The following KCND3 variants were observed in gnomAD, a reference collection of about 807,000 sequenced individuals.
The protein encoded by KCND3 is potassium voltage-gated channel subfamily D member 3.
A neutral mutation model predicts 51.1 loss-of-function variants in KCND3; 9 were observed. The ratio of observed to expected loss-of-function variants is 0.18; its 90% CI spans 0.11 to 0.31. The LOEUF is 0.31. KCND3 is among the 10% of genes least tolerant of loss of function. The probability of loss-of-function intolerance (pLI) is 1.00; values close to 1 mark genes in which losing one functional copy is unlikely to be tolerated. For synonymous variants in KCND3, 349 were observed against 368.0 expected (o/e 0.95, Z 0.59); for missense variants, 526 against 903.8 (o/e 0.58, Z 5.36).
intron 2 of KCND3, among the ~76,000 whole-genome samples, chr1:111,838,676 C>T (rs1004727020): frequency 3.3e-5 from 5 of 150,926 alleles, no homozygotes; most frequent in Non-Finnish European, 7.4e-5. Context: ...AAAACAAAAG[C>T]AAAAACAACA....
intron 2 of KCND3, among the ~76,000 whole-genome samples, chr1:111,795,303 TA>T (rs1328807396): frequency 6.6e-6 from 1 of 152,196 alleles, no homozygotes; most frequent in East Asian, 1.9e-4. Context: ...GGATGGCTTT[TA>T]GGAATCTTGA....
chr1:111,935,506 T>A (rs1672178653), intron 2 of KCND3, among the ~76,000 whole-genome samples: 1 of 152,184 alleles, frequency 6.6e-6, no homozygotes, highest in Admixed American at 6.5e-5. Context: ...ATGTCCTTTT[T>A]CCCCTGGGAG....
chr1:111,849,065 C>T (rs939324729), intron 2 of KCND3, among the ~76,000 whole-genome samples: 5 of 152,186 alleles, frequency 3.3e-5, no homozygotes, highest in East Asian at 1.9e-4. Flanking sequence ...GAGGCACAGG[C>T]GTGGGAGGTT....
chr1:111,898,485 C>T (rs1670229500), intron 2 of KCND3, among the ~76,000 whole-genome samples: 1 of 152,180 alleles, frequency 6.6e-6, no homozygotes, highest in African/African-American at 2.4e-5. Flanking sequence ...GTGGCCATCT[C>T]CCTGGGGAGA....
rs1674987322 is a variant in KCND3, at chr1:111,982,193, G to A, written c.534C>T (p.Thr178=). The A allele has an allele frequency of 1.2e-6, 2 of 1,613,978 alleles. No homozygotes were observed. The highest frequency in any genetic ancestry group is 1.7e-6 in the Non-Finnish European group (2 of 1,180,028). The change falls in exon 2 of 8, where the codon ACC becomes ACT. Residue 178 remains threonine (T), a synonymous_variant. Transcript: ENST00000302127. The surrounding 1 kb of genome is among the most constrained non-coding windows in gnomAD (Gnocchi z 8.5). The stretch of plus-strand genomic sequence containing the variant: ...AGTAGAAGACCAGGGCCAGCGTGCT[G>A]GTGTGGGGGTTCTCGAAGGCCCGCC... ...TMWRAFENPH[T]STLALVFYYV... is the part of the protein sequence containing the mutation.
intron 2 of KCND3, among the ~76,000 whole-genome samples, chr1:111,845,169 GT>G (rs1667489660): frequency 6.6e-6 from 1 of 152,188 alleles, no homozygotes; most frequent in Non-Finnish European, 1.5e-5. Context: ...GAAGAGCAAA[GT>G]TTTTGGCAGC....
intron 2 of KCND3, among the ~76,000 whole-genome samples, chr1:111,951,468 G>A (rs954318009): frequency 6.6e-6 from 1 of 152,148 alleles, no homozygotes; most frequent in Non-Finnish European, 1.5e-5. Context: ...GTAGATATAT[G>A]TATGAGAGGG....
In KCND3 at chr1:111,806,294, T is replaced by G. The variant is rs563843195; in HGVS notation, c.1107-19188A>C. On this transcript the variant is annotated intron_variant, in intron 2 of 7. Coordinates refer to ENST00000302127, the MANE Select transcript of KCND3 (RefSeq NM_001378969.1). The stretch of plus-strand genomic sequence containing the variant: ...GACACTCCTGTTGATGCGGAAGCCC[T>G]GCTTATCGTGGACATGCTCGTGGCC... 1.1e-4 allele frequency among the ~76,000 whole-genome samples: 17 copies of G among 152,364 alleles called. No individual in the cohort carries two copies. The East Asian group carries it at 1.3e-3, about 12-fold the overall frequency.
At chr1:111,970,161 C>A (rs753485990) in intron 2 of KCND3, among the ~76,000 whole-genome samples, 1 of 152,122 alleles carries the variant, frequency 6.6e-6, no homozygotes, top group South Asian at 2.1e-4. Flanking sequence ...GGATTACAGG[C>A]GCCTGTCACC....
intron 2 of KCND3, among the ~76,000 whole-genome samples, chr1:111,819,646 G>A (rs765316): frequency 0.023 from 3,486 of 152,248 alleles, 68 homozygotes; most frequent in Non-Finnish European, 0.034. Flanking sequence ...TGGGACAGAG[G>A]TTTGAGCAGA....
chr1:111,969,336 T>C (rs1674197301), intron 2 of KCND3, among the ~76,000 whole-genome samples: 1 of 152,212 alleles, frequency 6.6e-6, no homozygotes, highest in African/African-American at 2.4e-5. Context: ...TGGGGGCACA[T>C]GTATTTTCCT....
chr1:111,804,415 A>G (rs987179550), intron 2 of KCND3, among the ~76,000 whole-genome samples: 1 of 151,892 alleles, frequency 6.6e-6, no homozygotes, highest in Admixed American at 6.6e-5. Context: ...TTTGCTCTGA[A>G]CCCTCCCTTT....
intron 2 of KCND3, among the ~76,000 whole-genome samples, chr1:111,914,378 A>G (rs1671100826): frequency 6.6e-6 from 1 of 152,130 alleles, no homozygotes; most frequent in African/African-American, 2.4e-5. Flanking sequence ...CAGAAGAAAT[A>G]TTTTAAAGAG....
chr1:111,808,945 C>T (rs965245889), intron 2 of KCND3, among the ~76,000 whole-genome samples: 1 of 152,214 alleles, frequency 6.6e-6, no homozygotes, highest in African/African-American at 2.4e-5. Flanking sequence ...GGAGGGGACA[C>T]CCTGAATGAC....
Position 111,775,852 on chromosome 1 carries a change from A to G in KCND3, c.*225T>C, listed in dbSNP as rs72548736. On this transcript the variant is annotated 3_prime_UTR_variant, in exon 8 of 8. Transcript: ENST00000302127. ...ACCCTCCCTCCCTTCCTCTGGCCCC[A>G]GTGAGATGCAGTATCACAGGGCTAT... 1,346 of 107,976 alleles carry G rather than the reference A, an allele frequency of 0.012. 10 individuals are homozygous for G. Among genetic ancestry groups the G allele is most frequent in the Non-Finnish European group, 0.016 (921 of 56,894 alleles). The allele number at this position is 107,976 out of a possible 1,614,324, so 6.7% of individuals were successfully genotyped here.
At chr1:111,902,165 C>T (rs886761867) in intron 2 of KCND3, among the ~76,000 whole-genome samples, 2 of 152,190 alleles carry the variant, frequency 1.3e-5, no homozygotes, top group Non-Finnish European at 2.9e-5. Context: ...GAACGGGGCT[C>T]AAATGACCAG....
At chr1:111,930,710 G>A (rs1671926962) in intron 2 of KCND3, among the ~76,000 whole-genome samples, 1 of 151,754 alleles carries the variant, frequency 6.6e-6, no homozygotes, top group Non-Finnish European at 1.5e-5. Flanking sequence ...GAATCATCAT[G>A]TAATTGAGTA....
At chr1:111,797,692 G>A (rs1268804832) in intron 2 of KCND3, among the ~76,000 whole-genome samples, 3 of 152,166 alleles carry the variant, frequency 2.0e-5, no homozygotes, top group African/African-American at 7.2e-5. Context: ...AGAAGCACTG[G>A]CTGACTTCTG....
intron 3 of KCND3, among the ~76,000 whole-genome samples, chr1:111,786,727 A>C (rs904446924): frequency 7.2e-5 from 11 of 152,158 alleles, no homozygotes; most frequent in African/African-American, 2.7e-4. Context: ...AAGGGGGATA[A>C]TCAGCTTACA....
Sources: gnomAD v4.1 joint callset for allele counts (sites outside exome capture counted in the v4.1 genomes callset) on GRCh38, gnomAD v4.1.1 for gene constraint, Gnocchi (gnomAD v3.1) non-coding constraint, MANE v1.5 for transcripts, NCBI Gene and HGNC (gene_info 2026-07-23, HGNC 2026-07-21) for gene names.